Variants in OR4N2 observed in about 807,000 individuals in gnomAD.
OR4N2 encodes olfactory receptor 4N2.
For synonymous variants in OR4N2, 141 were observed against 140.4 expected (o/e 1.00, Z -0.03); for missense variants, 307 against 377.6 (o/e 0.81, Z 1.55).
intron 1 of OR4N2, among the ~76,000 whole-genome samples, chr14:19,820,187 G>A (rs1879529307): frequency 6.6e-6 from 1 of 152,264 alleles, no homozygotes; most frequent in Non-Finnish European, 1.5e-5. Flanking sequence ...TGAGGAGGCA[G>A]TCTGTCCCTT....
rs1357795158 is a variant in OR4N2 at position 19,803,784 on chromosome 14, C to T, written c.-70C>T. 1.3e-5 allele frequency: 2 copies of T among 152,240 alleles called. No individual in the cohort carries two copies. 9.4% of individuals were successfully genotyped at this position (152,240 alleles called of 1,614,324 possible). ...AATAGTTTCAGAGGAAAGGTACTAG[C>T]TCTTCTTTATGCATCTGGTAGAACT... On this transcript the variant is annotated 5_prime_UTR_variant, in exon 1 of 2. Transcript: ENST00000557677.
intron 1 of OR4N2, among the ~76,000 whole-genome samples, chr14:19,808,143 AG>A: frequency 6.6e-6 from 1 of 152,314 alleles, no homozygotes; most frequent in African/African-American, 2.4e-5. Flanking sequence ...GAATGGCAAA[AG>A]CTGGAAGTAT....
At chr14:19,824,404 G>C (rs373313137) in intron 1 of OR4N2, among the ~76,000 whole-genome samples, 2 of 152,380 alleles carry the variant, frequency 1.3e-5, no homozygotes, top group East Asian at 1.9e-4. Flanking sequence ...GACACAGGCA[G>C]AATGGAAGAG....
At chr14:19,827,380 C>A (rs1879725174) in intron 1 of OR4N2, 60 bp from the exon 2 acceptor site, 4 of 1,416,832 alleles carry the variant, frequency 2.8e-6, no homozygotes, top group Admixed American at 2.2e-5. Flanking sequence ...AGCTGTATAA[C>A]TAGTATCTAG....
chr14:19,810,742 G>C (rs905211032), intron 1 of OR4N2, among the ~76,000 whole-genome samples: 7 of 152,194 alleles, frequency 4.6e-5, no homozygotes, highest in African/African-American at 1.7e-4. Context: ...AATTTTAAAA[G>C]TCAGAAATTG....
intron 1 of OR4N2, among the ~76,000 whole-genome samples, chr14:19,825,234 G>A (rs1424700239): frequency 2.6e-5 from 4 of 152,180 alleles, no homozygotes; most frequent in Admixed American, 2.0e-4. Context: ...AATTCCACAT[G>A]TGGCTGCCAG....
At chr14:19,819,229 C>T (rs1260673310) in intron 1 of OR4N2, among the ~76,000 whole-genome samples, 5 of 152,190 alleles carry the variant, frequency 3.3e-5, no homozygotes, top group African/African-American at 1.2e-4. Flanking sequence ...TTAATGTTGG[C>T]CTGTCTTGCT....
intron 1 of OR4N2, among the ~76,000 whole-genome samples, chr14:19,819,189 C>T (rs1341611914): frequency 6.6e-6 from 1 of 152,192 alleles, no homozygotes; most frequent in Admixed American, 6.5e-5. Flanking sequence ...CGGGGAGTAT[C>T]TTTGTGGTGT....
chr14:19,812,000 A>C (rs1257332127), intron 1 of OR4N2, among the ~76,000 whole-genome samples: 5 of 152,266 alleles, frequency 3.3e-5, no homozygotes, highest in Admixed American at 3.3e-4. Context: ...AAATCTATTT[A>C]TTCATAGAAG....
At chr14:19,825,088 T>C (rs1371329035) in intron 1 of OR4N2, among the ~76,000 whole-genome samples, 1 of 152,266 alleles carries the variant, frequency 6.6e-6, no homozygotes, top group Non-Finnish European at 1.5e-5. Context: ...GCAGAAAAGC[T>C]CATTTGAAGG....
chr14:19,812,300 T>G (rs1234895833), intron 1 of OR4N2, among the ~76,000 whole-genome samples: 3 of 141,302 alleles, frequency 2.1e-5, no homozygotes, highest in Non-Finnish European at 3.0e-5. Context: ...TTTTTGACTT[T>G]TCTTTTTTTT....
rs1422686367 is a variant in OR4N2, at chr14:19,829,964, A to T, written c.*1592A>T. 2 of 152,254 alleles carry T rather than the reference A, an allele frequency of 1.3e-5. No individual in the cohort carries two copies. Among genetic ancestry groups the T allele is most frequent in the Non-Finnish European group, 2.9e-5 (2 of 68,060 alleles). 9.4% of individuals were successfully genotyped at this position (152,254 alleles called of 1,614,324 possible). ...GCAGGTGAGAATTCCTTAATCTCCC[A>T]TCACTACCACTATACAACCTGCATC... is the stretch of plus-strand genomic sequence containing the variant. On this transcript the variant is annotated 3_prime_UTR_variant, in exon 2 of 2. Transcript: ENST00000557677.
At chr14:19,809,132 G>A (rs939011304) in intron 1 of OR4N2, among the ~76,000 whole-genome samples, 4 of 151,278 alleles carry the variant, frequency 2.6e-5, no homozygotes, top group African/African-American at 9.7e-5. Context: ...ATGGTGCTGG[G>A]ATAACTGGCT....
Position 19,804,536 on chromosome 14 carries a change from T to G in OR4N2, c.-10+692T>G, listed in dbSNP as rs146582445. On this transcript the variant is annotated intron_variant, in intron 1 of 1. Coordinates refer to ENST00000557677, the MANE Select transcript of OR4N2 (RefSeq NM_001004723.3). Reference sequence around the variant, plus strand: ...GTATTTTATTGTATTGATTTCAATGTTTATTGCATTGTAATCTGAGAAAGT... The same window carrying G: ...GTATTTTATTGTATTGATTTCAATGGTTATTGCATTGTAATCTGAGAAAGT... Among the ~76,000 whole-genome samples the G allele has an allele frequency of 6.1e-3, 922 of 152,252 alleles. 6 individuals carry two copies. The highest frequency in any genetic ancestry group is 0.048 in the East Asian group (247 of 5,150).
chr14:19,810,275 C>T (rs536855836), intron 1 of OR4N2, among the ~76,000 whole-genome samples: 2 of 152,314 alleles, frequency 1.3e-5, no homozygotes, highest in East Asian at 3.8e-4. Flanking sequence ...AAATGCACAT[C>T]AAAACCACAA....
chr14:19,807,202 G>C (rs970534028), intron 1 of OR4N2, among the ~76,000 whole-genome samples: 1 of 150,686 alleles, frequency 6.6e-6, no homozygotes, highest in African/African-American at 2.4e-5. Flanking sequence ...AAAGCTCAAA[G>C]CTAGCAGAAT....
chr14:19,825,075 T>C (rs544198165), intron 1 of OR4N2, among the ~76,000 whole-genome samples: 5 of 152,270 alleles, frequency 3.3e-5, no homozygotes, highest in Non-Finnish European at 7.3e-5. Context: ...GGTTAAGACA[T>C]GAGCAGAAAA....
At chr14:19,823,372 G>C (rs1328013634) in intron 1 of OR4N2, among the ~76,000 whole-genome samples, 4 of 152,202 alleles carry the variant, frequency 2.6e-5, no homozygotes, top group Non-Finnish European at 5.9e-5. Context: ...TAGTTGATAA[G>C]TGACTCAGCG....
chr14:19,807,857 C>G (rs569991308), intron 1 of OR4N2, among the ~76,000 whole-genome samples: 1 of 152,256 alleles, frequency 6.6e-6, no homozygotes, highest in East Asian at 1.9e-4. Flanking sequence ...CTAATTGAAT[C>G]CATTGGCACA....
Sources: gnomAD v4.1 joint callset for allele counts (sites outside exome capture counted in the v4.1 genomes callset) on GRCh38, gnomAD v4.1.1 for gene constraint, MANE v1.5 for transcripts, NCBI Gene and HGNC (gene_info 2026-07-23, HGNC 2026-07-21) for gene names.